MALRD1: variants seen among roughly 807,000 people sequenced by gnomAD.
The protein encoded by MALRD1 is MAM and LDL receptor class A domain containing 1.
A neutral mutation model predicts 242.1 loss-of-function variants in MALRD1; 247 were observed. The observed-to-expected ratio is 1.02, with a 90% CI of 0.92 to 1.13. The LOEUF (loss-of-function observed/expected upper bound fraction) is 1.13, where lower values mean the gene tolerates loss of function less well. MALRD1 is among the 50% of genes most tolerant of loss of function. The pLI is 0.00. For synonymous variants in MALRD1, 995 were observed against 866.6 expected (o/e 1.15, Z -2.60); for missense variants, 2,989 against 2,533.1 (o/e 1.18, Z -3.86).
At chr10:19,083,519 G>A (rs796363379) in intron 2 of MALRD1, among the ~76,000 whole-genome samples, 49 of 152,006 alleles carry the variant, frequency 3.2e-4, no homozygotes, top group African/African-American at 1.1e-3. Flanking sequence ...ACACTTGCTG[G>A]TAATTGTTTT....
At chr10:19,202,994 G>C (rs1338623821) in intron 14 of MALRD1, among the ~76,000 whole-genome samples, 1 of 152,020 alleles carries the variant, frequency 6.6e-6, no homozygotes, top group Non-Finnish European at 1.5e-5. Context: ...CTATATGGCT[G>C]TTTGTGAAAG....
At chr10:19,404,875 T>C (rs892923383) in intron 28 of MALRD1, among the ~76,000 whole-genome samples, 7 of 152,190 alleles carry the variant, frequency 4.6e-5, no homozygotes, top group Non-Finnish European at 8.8e-5. Context: ...TTCTCATATA[T>C]GGTGAGCTCT....
At chr10:19,502,983 A>G (rs1280853906) in intron 31 of MALRD1, among the ~76,000 whole-genome samples, 1 of 152,162 alleles carries the variant, frequency 6.6e-6, no homozygotes, top group Non-Finnish European at 1.5e-5. Flanking sequence ...ATGTTCATCA[A>G]AGATCACATG....
At chr10:19,597,814 C>G (rs114723030) in intron 34 of MALRD1, among the ~76,000 whole-genome samples, 103 of 152,284 alleles carry the variant, frequency 6.8e-4, no homozygotes, top group African/African-American at 2.4e-3. Context: ...GCTAGGGATT[C>G]TTTACATTTT....
intron 1 of MALRD1, among the ~76,000 whole-genome samples, chr10:19,050,338 C>T (rs1171572451): frequency 4.6e-5 from 7 of 151,326 alleles, no homozygotes; most frequent in Admixed American, 2.0e-4. Context: ...CCGCCCGCCT[C>T]GGCCTCCCAA....
At chr10:19,301,459 A>G (rs888106992) in intron 21 of MALRD1, among the ~76,000 whole-genome samples, 2 of 151,910 alleles carry the variant, frequency 1.3e-5, no homozygotes, top group African/African-American at 4.8e-5. Flanking sequence ...ACATGGAATC[A>G]ACCTAAATTC....
At chr10:19,198,446 A>G (rs1836363604) in intron 14 of MALRD1, among the ~76,000 whole-genome samples, 1 of 152,246 alleles carries the variant, frequency 6.6e-6, no homozygotes, top group African/African-American at 2.4e-5. Flanking sequence ...TGGGCTGCAA[A>G]TAAACTTGTC....
chr10:19,502,020 AAAAAAGAAAAGAAAAG>A (rs1210698177), intron 31 of MALRD1, among the ~76,000 whole-genome samples: 51 of 115,902 alleles, frequency 4.4e-4, no homozygotes, highest in African/African-American at 2.2e-3. Context: ...CTCAAAAAAA[AAAAAAGAAAAGAAAAG>A]AAAAGAAAAG....
At chr10:19,242,484 C>T (rs1324858987) in intron 18 of MALRD1, among the ~76,000 whole-genome samples, 3 of 152,098 alleles carry the variant, frequency 2.0e-5, no homozygotes. Context: ...TTGATTTTCT[C>T]TTCAGATAAT....
chr10:19,587,911 G>T (rs201073776), intron 33 of MALRD1, among the ~76,000 whole-genome samples: 1 of 145,882 alleles, frequency 6.9e-6, no homozygotes, highest in Non-Finnish European at 1.5e-5. Context: ...TATCCTAGGT[G>T]TTTTTTTTTT....
intron 18 of MALRD1, among the ~76,000 whole-genome samples, chr10:19,256,403 C>T (rs368175832): frequency 4.6e-5 from 7 of 152,062 alleles, no homozygotes; most frequent in African/African-American, 1.7e-4. Context: ...TGAGTTTGGA[C>T]TAAACATTCT....
Position 19,692,333 on chromosome 10 carries a change from T to G in MALRD1, c.6189T>G (p.Pro2063=). ...GNRCHIKFNP[P]ATDFTYAQNN... is the part of the protein sequence containing the mutation. ...GATGCCATATCAAGTTTAATCCTCCTGCTACAGACTTCACATACGCTCAGA... is the reference window on the plus strand; with the variant it reads ...GATGCCATATCAAGTTTAATCCTCCGGCTACAGACTTCACATACGCTCAGA... The change falls in exon 37 of 40, where the codon CCT becomes CCG. Residue 2063 remains proline, a synonymous_variant. Coordinates refer to ENST00000454679, the MANE Select transcript of MALRD1 (RefSeq NM_001142308.3). The G allele has an allele frequency of 6.5e-7, 1 of 1,535,548 alleles. No individual in the cohort carries two copies.
At position 19,162,599 on chromosome 10, in the gene MALRD1, C is replaced by G. The variant is rs554073178; in HGVS notation, c.1657-3038C>G. Among the ~76,000 whole-genome samples, 76 of 152,120 alleles carry G rather than the reference C, an allele frequency of 5.0e-4. 1 individual carries two copies. The highest frequency in any genetic ancestry group is 1.7e-3 in the African/African-American group (72 of 41,504). On this transcript the variant is annotated intron_variant, in intron 12 of 39. Coordinates refer to ENST00000454679, the MANE Select transcript of MALRD1 (RefSeq NM_001142308.3). Reference sequence around the variant, plus strand: ...AATTGATCATTAGAGAAATTCAAATCAAAACCACAATGAGATATCATCTCA... The same window carrying G: ...AATTGATCATTAGAGAAATTCAAATGAAAACCACAATGAGATATCATCTCA...
chr10:19,311,586 AT>A (rs1842425177), intron 21 of MALRD1, among the ~76,000 whole-genome samples: 1 of 151,484 alleles, frequency 6.6e-6, no homozygotes, highest in African/African-American at 2.4e-5. Flanking sequence ...AGATTTTAAT[AT>A]TTTTATCAAT....
intron 33 of MALRD1, among the ~76,000 whole-genome samples, chr10:19,577,280 T>G (rs1006567646): frequency 6.6e-6 from 1 of 152,188 alleles, no homozygotes; most frequent in Non-Finnish European, 1.5e-5. Flanking sequence ...AGATTTTAAA[T>G]CTATTATTGT....
intron 5 of MALRD1, among the ~76,000 whole-genome samples, chr10:19,109,110 C>G (rs1012103637): frequency 1.3e-5 from 2 of 152,134 alleles, no homozygotes; most frequent in African/African-American, 4.8e-5. Context: ...AGAGTAATTT[C>G]TTCAGCTGTA....
chr10:19,175,783 C>T (rs1359439938), intron 14 of MALRD1, among the ~76,000 whole-genome samples: 7 of 151,966 alleles, frequency 4.6e-5, no homozygotes, highest in Non-Finnish European at 7.4e-5. Flanking sequence ...AAATTTAAAA[C>T]TGGACCTTAA....
intron 26 of MALRD1, among the ~76,000 whole-genome samples, chr10:19,363,829 C>T (rs1230157871): frequency 6.6e-6 from 1 of 152,096 alleles, no homozygotes; most frequent in Non-Finnish European, 1.5e-5. Flanking sequence ...TTTAAAAATT[C>T]TAACTCCCAA....
At position 19,723,925 on chromosome 10, in the gene MALRD1, G is replaced by A. The variant is rs1190621919; in HGVS notation, c.6315-6781G>A. On this transcript the variant is annotated intron_variant, in intron 38 of 39. Coordinates refer to ENST00000454679, the MANE Select transcript of MALRD1 (RefSeq NM_001142308.3). ...GTTTTAAAATTAGCCAGGTGTGTTG[G>A]CATGCACCTATAGTCCCAGCAACTC... Among the ~76,000 whole-genome samples the A allele has an allele frequency of 9.3e-5, 14 of 150,164 alleles. No homozygotes were observed. The South Asian group carries it at 2.7e-3, about 29-fold the overall frequency.
Sources: gnomAD v4.1 joint callset for allele counts (sites outside exome capture counted in the v4.1 genomes callset) on GRCh38, gnomAD v4.1.1 for gene constraint, MANE v1.5 for transcripts, NCBI Gene and HGNC (gene_info 2026-07-23, HGNC 2026-07-21) for gene names.